Variants in SLC44A3 observed in about 807,000 individuals in gnomAD.
The protein encoded by SLC44A3 is choline transporter-like protein 3.
Under a neutral mutation model 75.4 loss-of-function variants are expected in SLC44A3, and 74 were observed. That is an observed-to-expected ratio of 0.98 (90% CI 0.81 to 1.19). The LOEUF is 1.19. Ranked by LOEUF, SLC44A3 falls within the 50% of genes most tolerant of loss-of-function variation. The pLI, the probability that SLC44A3 is intolerant of heterozygous loss-of-function variation, is 0.00. For synonymous variants in SLC44A3, 310 were observed against 296.9 expected, an observed-to-expected ratio of 1.04 and a Z score of -0.45; for missense variants, 700 against 778.6, an observed-to-expected ratio of 0.90 and a Z score of 1.20.
chr1:94,842,163 C>T (rs1445779653), intron 8 of SLC44A3, 39 bp downstream of exon 8: 25 of 1,544,668 alleles, frequency 1.6e-5, no homozygotes, highest in Non-Finnish European at 2.2e-5. Context: ...AGGTAGCCAG[C>T]CAGGACTCTG....
chr1:94,890,778 C>A (rs1302772499), intron 12 of SLC44A3, among the ~76,000 whole-genome samples: 2 of 152,174 alleles, frequency 1.3e-5, no homozygotes, highest in African/African-American at 4.8e-5. Context: ...GCCCAGGAGG[C>A]AGAGGTTGCA....
intron 12 of SLC44A3, among the ~76,000 whole-genome samples, chr1:94,871,965 C>T (rs1421796350): frequency 1.3e-5 from 2 of 152,206 alleles, no homozygotes; most frequent in African/African-American, 2.4e-5. Flanking sequence ...AATGCACACA[C>T]GTAGACAGTT....
intron 9 of SLC44A3, among the ~76,000 whole-genome samples, chr1:94,855,906 C>T (rs1267176525): frequency 3.3e-5 from 5 of 152,282 alleles, no homozygotes; most frequent in Non-Finnish European, 4.4e-5. Context: ...ATCTTCTTCC[C>T]AGTAGTAGTT....
In SLC44A3 at chr1:94,892,374, G is replaced by GC. The variant is rs766037642; in HGVS notation, c.1715dup (p.Ala575CysfsTer7). 1.5e-4 allele frequency: 237 copies of GC among 1,614,006 alleles called. No homozygotes were observed. Among genetic ancestry groups the GC allele is most frequent in the Non-Finnish European group, 1.7e-4 (206 of 1,180,018 alleles). ...GTGGGCAGTCCCTCTGTTATTGGTAGCTTTTTTTGCCTACTTAGTAGCCCA... is the reference window on the plus strand; with the variant it reads ...GTGGGCAGTCCCTCTGTTATTGGTAGCCTTTTTTTGCCTACTTAGTAGCCCA... On this transcript the variant is annotated frameshift_variant, in exon 14 of 15. Coordinates refer to ENST00000271227, the MANE Select transcript of SLC44A3 (RefSeq NM_001114106.3). LOFTEE classifies it high-confidence loss of function.
intron 12 of SLC44A3, among the ~76,000 whole-genome samples, chr1:94,884,696 T>C (rs1473035063): frequency 6.6e-6 from 1 of 152,078 alleles, no homozygotes; most frequent in Non-Finnish European, 1.5e-5. Flanking sequence ...GAAACCCAGG[T>C]TCACAGTTCT....
chr1:94,864,102 T>A (rs1374456046), intron 10 of SLC44A3, among the ~76,000 whole-genome samples: 1 of 152,154 alleles, frequency 6.6e-6, no homozygotes, highest in East Asian at 1.9e-4. Flanking sequence ...CTTTCTCACT[T>A]TTTTTTCCCT....
chr1:94,883,620 T>C (rs1157528875), intron 12 of SLC44A3, among the ~76,000 whole-genome samples: 1 of 152,220 alleles, frequency 6.6e-6, no homozygotes, highest in African/African-American at 2.4e-5. Flanking sequence ...AAAATCAGGA[T>C]GCAGGAGAAG....
chr1:94,825,124 G>A (rs1195004003), intron 3 of SLC44A3, among the ~76,000 whole-genome samples: 2 of 152,256 alleles, frequency 1.3e-5, no homozygotes, highest in African/African-American at 2.4e-5. Flanking sequence ...CCCTGCCCCA[G>A]CTATGGCACT....
At chr1:94,828,685 A>G in intron 5 of SLC44A3, 99 bp downstream of exon 5, 1 of 1,057,968 alleles carries the variant, frequency 9.5e-7, no homozygotes, top group Non-Finnish European at 1.4e-6. Flanking sequence ...AGGAGATATC[A>G]GAAGAGCCCC....
At chr1:94,882,450 G>A (rs1239603507) in intron 12 of SLC44A3, among the ~76,000 whole-genome samples, 1 of 152,204 alleles carries the variant, frequency 6.6e-6, no homozygotes, top group South Asian at 2.1e-4. Context: ...TGTTTCCCAT[G>A]TCACAGGTCC....
chr1:94,882,920 C>CTTTT (rs770547126), intron 12 of SLC44A3, among the ~76,000 whole-genome samples: 6 of 148,332 alleles, frequency 4.0e-5, no homozygotes, highest in Non-Finnish European at 8.9e-5. Context: ...CCTTTTAATC[C>CTTTT]AACCATTCTG....
intron 5 of SLC44A3, among the ~76,000 whole-genome samples, chr1:94,831,292 A>T (rs1275195640): frequency 6.6e-6 from 1 of 152,234 alleles, no homozygotes; most frequent in African/African-American, 2.4e-5. Flanking sequence ...AATAGCCTCA[A>T]GGGCTCCATT....
At chr1:94,850,286 A>G (rs1436425831) in intron 9 of SLC44A3, among the ~76,000 whole-genome samples, 1 of 152,176 alleles carries the variant, frequency 6.6e-6, no homozygotes, top group Non-Finnish European at 1.5e-5. Context: ...GGTACCAGCA[A>G]TAAGACAGTA....
chr1:94,884,567 C>T (rs538680948), intron 12 of SLC44A3, among the ~76,000 whole-genome samples: 142 of 152,220 alleles, frequency 9.3e-4, no homozygotes, highest in African/African-American at 3.3e-3. Flanking sequence ...GAATAAATAT[C>T]GGAACTCTGT....
chr1:94,820,531 G>A, intron 1 of SLC44A3, 53 bp downstream of exon 1: 1 of 1,472,028 alleles, frequency 6.8e-7, no homozygotes. Context: ...GAAGGGTCGA[G>A]TCCCCCGCCT....
In SLC44A3 at chr1:94,824,477, C is replaced by T; in HGVS notation, c.136-16C>T. On this transcript the variant is annotated splice_polypyrimidine_tract_variant and intron_variant, in intron 2 of 14. Transcript: ENST00000271227. Reference sequence around the variant, plus strand: ...AGCCCTTTGGCCAGGCTCTCATATGCCCCCGTTTTTGCCAGGTGTTTATCA... The same window carrying T: ...AGCCCTTTGGCCAGGCTCTCATATGTCCCCGTTTTTGCCAGGTGTTTATCA... The T allele has an allele frequency of 6.3e-7, 1 of 1,583,930 alleles. No individual in the cohort carries two copies. Among genetic ancestry groups the T allele is most frequent in the Non-Finnish European group, 8.6e-7 (1 of 1,168,396 alleles).
chr1:94,886,108 G>T (rs1669555028), intron 12 of SLC44A3, among the ~76,000 whole-genome samples: 1 of 152,216 alleles, frequency 6.6e-6, no homozygotes, highest in South Asian at 2.1e-4. Flanking sequence ...ACTGCTGGCG[G>T]GTCGGTGTGC....
At chr1:94,827,153 G>A (rs1661478125) in intron 3 of SLC44A3, among the ~76,000 whole-genome samples, 1 of 152,134 alleles carries the variant, frequency 6.6e-6, no homozygotes, top group African/African-American at 2.4e-5. Context: ...TGTGTTCTCC[G>A]TGGAGTCCAT....
chr1:94,856,281 G>A lies in SLC44A3; in HGVS notation c.1073-1054G>A, dbSNP rs1571308282. On this transcript the variant is annotated intron_variant, in intron 9 of 14. Coordinates refer to ENST00000271227, the MANE Select transcript of SLC44A3 (RefSeq NM_001114106.3). ...TCACTCCGTGCTCAAAATACCACCA[G>A]GAAATAGGTATTCTAGATAAGGAAT... Among the ~76,000 whole-genome samples the A allele has an allele frequency of 2.6e-5, 4 of 152,170 alleles. No individual in the cohort carries two copies. In the East Asian group the frequency reaches 7.7e-4, roughly 29 times the overall value.
Sources: allele counts gnomAD v4.1 joint callset (sites outside exome capture counted in the v4.1 genomes callset), GRCh38; gene constraint gnomAD v4.1.1; transcripts MANE v1.5; gene names NCBI Gene and HGNC (gene_info 2026-07-23, HGNC 2026-07-21).